Variants in SRCIN1 observed in about 807,000 individuals in gnomAD.
SRCIN1 encodes P130Cas-associated protein.
Under a neutral mutation model 116.2 loss-of-function variants are expected in SRCIN1, and 50 were observed. The ratio of observed to expected loss-of-function variants is 0.43; its 90% CI spans 0.34 to 0.54. The LOEUF (loss-of-function observed/expected upper bound fraction) is 0.54. Ranked by LOEUF, SRCIN1 falls within the 20% of genes least tolerant of loss-of-function variation. SRCIN1 has a pLI of 0.02. For missense variants in SRCIN1, 1,446 were observed against 1,672.0 expected (o/e 0.86, Z 2.36); for synonymous variants, 736 against 750.0 (o/e 0.98, Z 0.30).
chr17:38,548,914 A>G, intron 16 of SRCIN1, 142 bp downstream of exon 16: 1 of 1,236,540 alleles, frequency 8.1e-7, no homozygotes, highest in South Asian at 1.6e-5. Flanking sequence ...TAGCAGGACA[A>G]AGTCGCCACC....
intron 2 of SRCIN1, among the ~76,000 whole-genome samples, chr17:38,577,304 GC>G (rs1322098253): frequency 2.0e-5 from 3 of 152,182 alleles, no homozygotes; most frequent in Non-Finnish European, 4.4e-5. Flanking sequence ...AATGAGAGGG[GC>G]TCCTTGAGGG....
At position 38,552,957 on chromosome 17, in the gene SRCIN1, G is replaced by A. The variant is rs561856149; in HGVS notation, c.2202-102C>T. On this transcript the variant is annotated intron_variant, in intron 11 of 18. Coordinates refer to ENST00000617146, the MANE Select transcript of SRCIN1 (RefSeq NM_025248.3). This position sits in a 1 kb window ranked among gnomAD's most constrained non-coding sequence, Gnocchi z 5.3. Reference sequence around the variant, plus strand: ...AAGAAATCAGGCCACCAGTTGGATCGAAAGTAAAAGCAGGAGGCTGGGCAC... The same window carrying A: ...AAGAAATCAGGCCACCAGTTGGATCAAAAGTAAAAGCAGGAGGCTGGGCAC... The A allele has an allele frequency of 5.3e-6, 8 of 1,515,758 alleles. No individual in the cohort carries two copies. The Admixed American group carries it at 6.3e-5, about 12-fold the overall frequency. The allele number at this position is 1,515,758 out of a possible 1,614,324, so 93.9% of individuals were successfully genotyped here. A position where few individuals can be genotyped will look rare whatever the true frequency, so the allele number is the denominator to read the frequency against.
chr17:38,547,806 G>T, intron 17 of SRCIN1: 1 of 254,152 alleles, frequency 3.9e-6, no homozygotes, highest in South Asian at 3.1e-5. Context: ...CCCAGGTCCT[G>T]GGGGGACAGC....
In SRCIN1 at chr17:38,535,209, C is replaced by CT. The variant is rs71138630; in HGVS notation, c.3418-1779dup. 7.6e-3 allele frequency among the ~76,000 whole-genome samples: 977 copies of CT among 128,892 alleles called. 11 individuals are homozygous for CT. The highest frequency in any genetic ancestry group is 9.6e-3 in the South Asian group (39 of 4,042). 84.6% of individuals were successfully genotyped at this position (128,892 alleles called of 152,430 possible). A position where few individuals can be genotyped will look rare whatever the true frequency, so the allele number is the denominator to read the frequency against. ...CCCCATTTGGGTTTTCTTTTTCTTT[C>CT]TTTTTTTTTTTTTTTTGAGATGGAC... On this transcript the variant is annotated intron_variant, in intron 18 of 18. Coordinates refer to ENST00000617146, the MANE Select transcript of SRCIN1 (RefSeq NM_025248.3).
At chr17:38,536,325 G>T (rs1278317832) in intron 18 of SRCIN1, among the ~76,000 whole-genome samples, 1 of 152,212 alleles carries the variant, frequency 6.6e-6, no homozygotes, top group Non-Finnish European at 1.5e-5. Context: ...GTCTCTGAAG[G>T]TTCCTGTCAT....
Position 38,563,708 on chromosome 17 carries a change from C to G in SRCIN1, c.542-187G>C, listed in dbSNP as rs896913002. 6.0e-6 allele frequency: 5 copies of G among 834,432 alleles called. No homozygotes were observed. In the Admixed American group the frequency reaches 1.0e-4, roughly 17 times the overall value. The allele number at this position is 834,432 out of a possible 1,614,324, so 51.7% of individuals were successfully genotyped here. ...CCGGCGGGGGCGCCAGGCCGGCTCT[C>G]CAGCCTCTCAAGGCACCCACTGGAC... is the stretch of plus-strand genomic sequence containing the variant. On this transcript the variant is annotated intron_variant, in intron 4 of 18. Transcript: ENST00000617146. This position sits in a 1 kb window ranked among gnomAD's most constrained non-coding sequence, Gnocchi z 5.8.
rs1906537944 is a variant in SRCIN1, at chr17:38,564,380, G to C, written c.346-67C>G. Reference sequence around the variant, plus strand: ...CCCCCCCTCCCCTTTGCTTGTCACTGCCCATATCCAGGCCTGGGAAGGTCC... The same window carrying C: ...CCCCCCCTCCCCTTTGCTTGTCACTCCCCATATCCAGGCCTGGGAAGGTCC... On this transcript the variant is annotated intron_variant, in intron 3 of 18. Transcript: ENST00000617146. The C allele has an allele frequency of 2.1e-6, 3 of 1,455,296 alleles. No individual in the cohort carries two copies. In the Admixed American group the frequency reaches 6.4e-5, roughly 31 times the overall value. The allele number at this position is 1,455,296 out of a possible 1,614,324, so 90.1% of individuals were successfully genotyped here.
At position 38,578,473 on chromosome 17, in the gene SRCIN1, G is replaced by A. The variant is rs1410180718; in HGVS notation, c.324+17C>T. On this transcript the variant is annotated intron_variant, in intron 2 of 18. Coordinates refer to ENST00000617146, the MANE Select transcript of SRCIN1 (RefSeq NM_025248.3). ...GGCCGCGGCCGCAGCCGCAGCCGCA[G>A]CCGGGAGCCCACTCACCTGCTCTCG... The A allele has an allele frequency of 6.4e-6, 10 of 1,560,810 alleles. No individual in the cohort carries two copies. Among genetic ancestry groups the A allele is most frequent in the Non-Finnish European group, 8.7e-6 (10 of 1,149,862 alleles).
At chr17:38,535,864 C>T (rs2040993175) in intron 18 of SRCIN1, among the ~76,000 whole-genome samples, 1 of 152,300 alleles carries the variant, frequency 6.6e-6, no homozygotes, top group South Asian at 2.1e-4. Flanking sequence ...GCTGATTCTC[C>T]CCGGTTGTCC....
At chr17:38,547,129 G>A (rs1370262621) in intron 17 of SRCIN1, among the ~76,000 whole-genome samples, 2 of 152,238 alleles carry the variant, frequency 1.3e-5, no homozygotes, top group Non-Finnish European at 2.9e-5. Context: ...AAAAGAACCA[G>A]CAGCCAAGGA....
At chr17:38,570,668 A>T (rs543754708) in intron 2 of SRCIN1, among the ~76,000 whole-genome samples, 1 of 152,182 alleles carries the variant, frequency 6.6e-6, no homozygotes, top group Non-Finnish European at 1.5e-5. Context: ...CCTGGGAGGG[A>T]GATAAAGACA....
chr17:38,586,732 G>A (rs1018782299), intron 1 of SRCIN1, among the ~76,000 whole-genome samples: 2 of 152,250 alleles, frequency 1.3e-5, no homozygotes, highest in East Asian at 3.8e-4. Context: ...GCTAGGGAGG[G>A]TGCAGGGCAC....
rs928908287 is a variant in SRCIN1, at chr17:38,568,132, G to A, written c.345+79C>T. ...GTGCAGATGCGCACCCCGGTGCAAA[G>A]CCTGTGCAAGGGAGAGGCAGGGGCA... On this transcript the variant is annotated intron_variant, in intron 3 of 18. Transcript: ENST00000617146. This position sits in a 1 kb window ranked among gnomAD's most constrained non-coding sequence, Gnocchi z 4.5. 2 of 1,560,018 alleles carry A rather than the reference G, an allele frequency of 1.3e-6. No individual in the cohort carries two copies. Among genetic ancestry groups the A allele is most frequent in the African/African-American group, 1.4e-5 (1 of 73,904 alleles).
At chr17:38,561,213 T>C (rs1015579503) in intron 7 of SRCIN1, among the ~76,000 whole-genome samples, 2 of 152,044 alleles carry the variant, frequency 1.3e-5, no homozygotes, top group Admixed American at 1.3e-4. Context: ...GTCTCCAGAG[T>C]CCTCGTCTGG....
Position 38,530,567 on chromosome 17 carries a change from G to T in SRCIN1, c.*2730C>A. 1 of 152,622 alleles carries T rather than the reference G, an allele frequency of 6.6e-6. No individual in the cohort carries two copies. Among genetic ancestry groups the T allele is most frequent in the Non-Finnish European group, 1.5e-5 (1 of 68,320 alleles). The allele number at this position is 152,622 out of a possible 1,614,324, so 9.5% of individuals were successfully genotyped here. A position where few individuals can be genotyped will look rare whatever the true frequency, so the allele number is the denominator to read the frequency against. ...ACGGGGGCTCAGGAAGGGATCTGGA[G>T]CCAGTGGTGCAGGGATGATGGAACA... On this transcript the variant is annotated 3_prime_UTR_variant, in exon 19 of 19. Coordinates refer to ENST00000617146, the MANE Select transcript of SRCIN1 (RefSeq NM_025248.3).
intron 1 of SRCIN1, among the ~76,000 whole-genome samples, chr17:38,601,640 A>ACG (rs756827344): frequency 2.4e-5 from 3 of 123,548 alleles, no homozygotes; most frequent in Non-Finnish European, 3.7e-5. Flanking sequence ...ACACACACGC[A>ACG]CACACACACA....
At chr17:38,549,976 G>T (rs1905282276) in intron 15 of SRCIN1, among the ~76,000 whole-genome samples, 1 of 152,226 alleles carries the variant, frequency 6.6e-6, no homozygotes, top group Non-Finnish European at 1.5e-5. Context: ...CAAGATTTCA[G>T]TGAAAAGTCA....
rs201763126 is a variant in SRCIN1 at position 38,583,552 on chromosome 17, T to TTTG, written c.23-4762_23-4761insCAA. 3.7e-3 allele frequency among the ~76,000 whole-genome samples: 373 copies of TTTG among 100,984 alleles called. 11 individuals carry two copies. The highest frequency in any genetic ancestry group is 0.016 in the African/African-American group (294 of 17,890). 66.2% of individuals were successfully genotyped at this position (100,984 alleles called of 152,430 possible). A position where few individuals can be genotyped will look rare whatever the true frequency, so the allele number is the denominator to read the frequency against. ...GTTTTCTTTTTTTCATTTTCTGTTT[T>TTTG]TTTTTTTTTTTTTTTTTTGAGACAG... is the stretch of plus-strand genomic sequence containing the variant. On this transcript the variant is annotated intron_variant, in intron 1 of 18. Transcript: ENST00000617146.
intron 1 of SRCIN1, among the ~76,000 whole-genome samples, chr17:38,599,287 G>A (rs1908889041): frequency 6.6e-6 from 1 of 152,144 alleles, no homozygotes; most frequent in Admixed American, 6.5e-5. Flanking sequence ...GCTGACTCCA[G>A]CCCAATGCTT....
Sources: gnomAD v4.1 joint callset for allele counts (sites outside exome capture counted in the v4.1 genomes callset) on GRCh38, gnomAD v4.1.1 for gene constraint, Gnocchi (gnomAD v3.1) non-coding constraint, MANE v1.5 for transcripts, NCBI Gene and HGNC (gene_info 2026-07-23, HGNC 2026-07-21) for gene names.